The following GRB14 variants were observed in gnomAD, a reference collection of about 807,000 sequenced individuals.
The protein encoded by GRB14 is growth factor receptor-bound protein 14.
Under a neutral mutation model 69.1 loss-of-function variants are expected in GRB14, and 38 were observed. The observed-to-expected ratio is 0.55, with a 90% CI of 0.42 to 0.72. The LOEUF is 0.72. Among genes scored for constraint, GRB14 ranks in the 30% least tolerant of loss-of-function variants. The pLI, the probability that GRB14 is intolerant of heterozygous loss-of-function variation, is 0.00. For synonymous variants in GRB14, 247 were observed against 241.3 expected (o/e 1.02, Z -0.22); for missense variants, 666 against 666.1 (o/e 1.00, Z 0.00).
At chr2:164,518,913 T>G (rs945366949) in intron 6 of GRB14, among the ~76,000 whole-genome samples, 4 of 151,840 alleles carry the variant, frequency 2.6e-5, no homozygotes, top group African/African-American at 7.3e-5. Flanking sequence ...CAGGACCAGA[T>G]GGATTCACAG....
At chr2:164,577,148 C>T (rs1689270368) in intron 2 of GRB14, among the ~76,000 whole-genome samples, 1 of 152,182 alleles carries the variant, frequency 6.6e-6, no homozygotes, top group Non-Finnish European at 1.5e-5. Context: ...TGGCCAAATC[C>T]TAGACGGTTT....
At chr2:164,516,951 G>A (rs1687505968) in intron 6 of GRB14, among the ~76,000 whole-genome samples, 1 of 152,146 alleles carries the variant, frequency 6.6e-6, no homozygotes, top group African/African-American at 2.4e-5. Context: ...TTGAACCCAG[G>A]AGGTGGAGGT....
intron 3 of GRB14, among the ~76,000 whole-genome samples, chr2:164,530,003 C>T (rs983428172): frequency 6.6e-6 from 1 of 152,116 alleles, no homozygotes; most frequent in African/African-American, 2.4e-5. Context: ...CCTCATGAAG[C>T]TTTCATTCTA....
chr2:164,539,301 C>T (rs1688171833), intron 3 of GRB14, among the ~76,000 whole-genome samples: 1 of 151,858 alleles, frequency 6.6e-6, no homozygotes, highest in Admixed American at 6.6e-5. Flanking sequence ...ATAGTGAAAC[C>T]CCATCTCTAC....
In GRB14 at chr2:164,526,995, T is replaced by C. The variant is rs767623672; in HGVS notation, c.603+19A>G. The C allele has an allele frequency of 1.3e-6, 2 of 1,541,212 alleles. No homozygotes were observed. Among genetic ancestry groups the C allele is most frequent in the East Asian group, 2.4e-5 (1 of 41,278 alleles). The stretch of plus-strand genomic sequence containing the variant: ...GGGTTCATTTATTTTCCGTAACTAT[T>C]AGGAGGGATTTCACTTACCATTGGG... On this transcript the variant is annotated intron_variant, in intron 4 of 13. Coordinates refer to ENST00000263915, the MANE Select transcript of GRB14 (RefSeq NM_004490.3).
intron 2 of GRB14, among the ~76,000 whole-genome samples, chr2:164,575,036 C>T (rs1181334232): frequency 6.6e-6 from 1 of 151,830 alleles, no homozygotes; most frequent in African/African-American, 2.4e-5. Context: ...TTTTGAACAG[C>T]AAGGCAAAAG....
chr2:164,508,189 G>C (rs1207102617), intron 8 of GRB14, among the ~76,000 whole-genome samples: 1 of 152,156 alleles, frequency 6.6e-6, no homozygotes, highest in Non-Finnish European at 1.5e-5. Flanking sequence ...CACTGGCTAT[G>C]TAATACCTTC....
intron 6 of GRB14, among the ~76,000 whole-genome samples, chr2:164,516,558 G>A (rs1401822350): frequency 6.6e-6 from 1 of 151,296 alleles, no homozygotes; most frequent in Admixed American, 6.6e-5. Flanking sequence ...CAGGCTAGAA[G>A]GGATTGGGGC....
chr2:164,520,536 C>T lies in GRB14; in HGVS notation c.816+1444G>A, dbSNP rs140116985. Among the ~76,000 whole-genome samples, 550 of 152,108 alleles carry T rather than the reference C, an allele frequency of 3.6e-3. 2 individuals are homozygous for T. The highest frequency in any genetic ancestry group is 0.012 in the African/African-American group (516 of 41,518). On this transcript the variant is annotated intron_variant, in intron 6 of 13. Coordinates refer to ENST00000263915, the MANE Select transcript of GRB14 (RefSeq NM_004490.3). Reference sequence around the variant, plus strand: ...CTTAATTAAACTAAAAGCTTCTGCACAGCAAAAGAAACACTCATCAGAGTA... The same window carrying T: ...CTTAATTAAACTAAAAGCTTCTGCATAGCAAAAGAAACACTCATCAGAGTA...
intron 9 of GRB14, among the ~76,000 whole-genome samples, chr2:164,498,862 T>TTATG (rs1241246858): frequency 1.3e-4 from 20 of 152,310 alleles, no homozygotes; most frequent in African/African-American, 4.3e-4. Context: ...TACAATCTTA[T>TTATG]TATGGTTCAT....
chr2:164,588,450 C>T (rs1027679898), intron 2 of GRB14, among the ~76,000 whole-genome samples: 2 of 152,062 alleles, frequency 1.3e-5, no homozygotes, highest in Non-Finnish European at 2.9e-5. Flanking sequence ...GTGGTCACAG[C>T]AGAAACATCG....
At chr2:164,496,461 G>A (rs1056868374) in intron 12 of GRB14, among the ~76,000 whole-genome samples, 3 of 152,054 alleles carry the variant, frequency 2.0e-5, no homozygotes, top group African/African-American at 7.2e-5. Context: ...AGAAACAGTT[G>A]AAAGGTACTC....
At chr2:164,608,179 C>T (rs1359814881) in intron 2 of GRB14, among the ~76,000 whole-genome samples, 1 of 152,124 alleles carries the variant, frequency 6.6e-6, no homozygotes, top group Admixed American at 6.5e-5. Flanking sequence ...CAAGACCAGC[C>T]TGGCCAACAT....
rs140136886 is a variant in GRB14 at position 164,552,700 on chromosome 2, T to G, written c.325-4884A>C. 1.2e-3 allele frequency among the ~76,000 whole-genome samples: 178 copies of G among 152,340 alleles called. 1 individual carries two copies. The highest frequency in any genetic ancestry group is 4.2e-3 in the African/African-American group (174 of 41,588). On this transcript the variant is annotated intron_variant, in intron 2 of 13. Transcript: ENST00000263915. ...TTCAAATTTTGGTGAATACATGTCA[T>G]GCCCTATGATGTCAAGGTCTATTTG... is the stretch of plus-strand genomic sequence containing the variant.
chr2:164,583,947 T>TATAATAAA (rs1689474422), intron 2 of GRB14, among the ~76,000 whole-genome samples: 3 of 151,932 alleles, frequency 2.0e-5, no homozygotes, highest in Admixed American at 1.3e-4. Flanking sequence ...ACTTAGGCAT[T>TATAATAAA]ATAATAAAAT....
chr2:164,514,705 G>A (rs537919260), intron 6 of GRB14, among the ~76,000 whole-genome samples: 2 of 152,076 alleles, frequency 1.3e-5, no homozygotes, highest in African/African-American at 2.4e-5. Context: ...GAACCTGGGG[G>A]AGGGGGTGAA....
Position 164,621,086 on chromosome 2 carries a change from G to A in GRB14, c.191+33C>T. 8.0e-7 allele frequency: 1 copy of A among 1,245,392 alleles called. No homozygotes were observed. Among genetic ancestry groups the A allele is most frequent in the Non-Finnish European group, 1.0e-6 (1 of 987,924 alleles). The allele number at this position is 1,245,392 out of a possible 1,614,324, so 77.1% of individuals were successfully genotyped here. A position where few individuals can be genotyped will look rare whatever the true frequency, so the allele number is the denominator to read the frequency against. On this transcript the variant is annotated intron_variant, in intron 1 of 13. Transcript: ENST00000263915. The surrounding 1 kb of genome is among the most constrained non-coding windows in gnomAD (Gnocchi z 6.0). ...CACCCCCTCGCCGGCTGCCCAGCCAGGACACTCCCCCGCGCCCTCCAGGGT... is the reference window on the plus strand; with the variant it reads ...CACCCCCTCGCCGGCTGCCCAGCCAAGACACTCCCCCGCGCCCTCCAGGGT...
intron 2 of GRB14, among the ~76,000 whole-genome samples, chr2:164,603,481 T>C (rs971258722): frequency 2.0e-5 from 3 of 151,896 alleles, no homozygotes; most frequent in Non-Finnish European, 2.9e-5. Flanking sequence ...CTGGCCAACA[T>C]AGTGAAACCC....
chr2:164,610,793 C>T (rs1346959428), intron 2 of GRB14, among the ~76,000 whole-genome samples: 1 of 142,068 alleles, frequency 7.0e-6, no homozygotes, highest in African/African-American at 2.6e-5. Context: ...ACAACTAGAC[C>T]AAATAGATAA....
Sources: allele counts gnomAD v4.1 joint callset (sites outside exome capture counted in the v4.1 genomes callset), GRCh38; gene constraint gnomAD v4.1.1; non-coding constraint Gnocchi (gnomAD v3.1); transcripts MANE v1.5; gene names NCBI Gene and HGNC (gene_info 2026-07-23, HGNC 2026-07-21).